The following CTNNA3 variants were observed in gnomAD, a reference collection of about 807,000 sequenced individuals.
CTNNA3 encodes catenin alpha-3.
In CTNNA3, 76 loss-of-function variants were observed where a neutral mutation model predicts 95.7. That is an observed-to-expected ratio of 0.79 (90% confidence interval 0.66 to 0.96). CTNNA3 has a LOEUF of 0.96. Among genes scored for constraint, CTNNA3 ranks in the 40% least tolerant of loss-of-function variants. The pLI is 0.00. For synonymous variants in CTNNA3, 431 were observed against 374.4 expected (o/e 1.15, Z -1.74); for missense variants, 1,191 against 1,089.8 (o/e 1.09, Z -1.31).
intron 7 of CTNNA3, among the ~76,000 whole-genome samples, chr10:67,166,220 G>T (rs1861764773): frequency 6.6e-6 from 1 of 152,166 alleles, no homozygotes; most frequent in Non-Finnish European, 1.5e-5. Flanking sequence ...GCACATTTTA[G>T]AAATATCAAT....
intron 7 of CTNNA3, among the ~76,000 whole-genome samples, chr10:67,122,957 T>C (rs1278621328): frequency 6.6e-6 from 1 of 152,114 alleles, no homozygotes; most frequent in Non-Finnish European, 1.5e-5. Flanking sequence ...TTGTTTGTTG[T>C]TACTCTAAAG....
chr10:66,367,583 A>G (rs945592000), intron 12 of CTNNA3, among the ~76,000 whole-genome samples: 1 of 149,824 alleles, frequency 6.7e-6, no homozygotes, highest in Non-Finnish European at 1.5e-5. Context: ...GATGTTTGCC[A>G]TGTGACACTA....
intron 2 of CTNNA3, among the ~76,000 whole-genome samples, chr10:67,631,074 G>T (rs1210935792): frequency 6.6e-6 from 1 of 152,182 alleles, no homozygotes; most frequent in Non-Finnish European, 1.5e-5. Context: ...TTTCTGCATT[G>T]CATTGCCAAA....
intron 12 of CTNNA3, among the ~76,000 whole-genome samples, chr10:66,375,708 C>A (rs754501805): frequency 2.0e-5 from 3 of 151,984 alleles, no homozygotes; most frequent in Admixed American, 1.3e-4. Context: ...TTTCAAACTA[C>A]GTTTTAAATG....
At chr10:66,193,936 C>T (rs184288001) in intron 13 of CTNNA3, among the ~76,000 whole-genome samples, 1 of 152,154 alleles carries the variant, frequency 6.6e-6, no homozygotes, top group East Asian at 1.9e-4. Flanking sequence ...CCAAATAGCA[C>T]TTGGATAGTC....
chr10:66,544,190 AG>A (rs1841966337), intron 10 of CTNNA3, among the ~76,000 whole-genome samples: 1 of 151,984 alleles, frequency 6.6e-6, no homozygotes, highest in Admixed American at 6.6e-5. Flanking sequence ...TGACAGATAC[AG>A]GATGGCCAAT....
At chr10:66,427,816 C>A (rs901178075) in intron 11 of CTNNA3, among the ~76,000 whole-genome samples, 2 of 152,056 alleles carry the variant, frequency 1.3e-5, no homozygotes, top group Non-Finnish European at 2.9e-5. Flanking sequence ...TTGTAAAGAC[C>A]ATCAATTCTA....
At chr10:66,805,398 G>A (rs1841598243) in intron 7 of CTNNA3, among the ~76,000 whole-genome samples, 1 of 150,756 alleles carries the variant, frequency 6.6e-6, no homozygotes. Flanking sequence ...AGAATATTCA[G>A]TTAAAAATCT....
chr10:67,210,782 T>C (rs548899695), intron 6 of CTNNA3, among the ~76,000 whole-genome samples: 2 of 152,312 alleles, frequency 1.3e-5, no homozygotes, highest in African/African-American at 4.8e-5. Context: ...CTGTTCTATT[T>C]TGAGGTCCTC....
chr10:66,645,509 G>A (rs1360449101), intron 9 of CTNNA3, among the ~76,000 whole-genome samples: 1 of 152,088 alleles, frequency 6.6e-6, no homozygotes, highest in Non-Finnish European at 1.5e-5. Context: ...TGTCAAAAAT[G>A]TGTTGAATAT....
At chr10:65,986,916 T>C (rs1469592858) in intron 16 of CTNNA3, among the ~76,000 whole-genome samples, 1 of 151,404 alleles carries the variant, frequency 6.6e-6, no homozygotes. Context: ...TTCACATATT[T>C]ATAGCCAACT....
chr10:67,260,289 G>C (rs998072426), intron 5 of CTNNA3, among the ~76,000 whole-genome samples: 7 of 152,150 alleles, frequency 4.6e-5, no homozygotes, highest in Non-Finnish European at 8.8e-5. Context: ...AGGACCCAAA[G>C]TAGCCACAGT....
chr10:66,046,885 T>C (rs994488870), intron 15 of CTNNA3, among the ~76,000 whole-genome samples: 1 of 152,054 alleles, frequency 6.6e-6, no homozygotes, highest in Non-Finnish European at 1.5e-5. Flanking sequence ...CTAGAAGAGA[T>C]GGGTAAATTC....
intron 9 of CTNNA3, among the ~76,000 whole-genome samples, chr10:66,724,011 T>A (rs977704099): frequency 6.6e-6 from 1 of 152,134 alleles, no homozygotes; most frequent in Non-Finnish European, 1.5e-5. Flanking sequence ...GGAAGTGGAA[T>A]GTAATTAATC....
intron 5 of CTNNA3, among the ~76,000 whole-genome samples, chr10:67,428,460 A>G (rs1456952558): frequency 6.6e-6 from 1 of 152,106 alleles, no homozygotes; most frequent in Non-Finnish European, 1.5e-5. Context: ...AGGTTTTTCC[A>G]GGAACACAAC....
At position 66,681,972 on chromosome 10, in the gene CTNNA3, T is replaced by C. The variant is rs546653127; in HGVS notation, c.1282-60188A>G. 3.3e-5 allele frequency among the ~76,000 whole-genome samples: 5 copies of C among 152,294 alleles called. No individual in the cohort carries two copies. The East Asian group carries it at 7.7e-4, about 24-fold the overall frequency. On this transcript the variant is annotated intron_variant, in intron 9 of 17. Coordinates refer to ENST00000433211, the MANE Select transcript of CTNNA3 (RefSeq NM_013266.4). ...AATGGCAATTTTCTCCACAGTAGCA[T>C]AGCAGCATACTAGTACAAGGCCACT... is the stretch of plus-strand genomic sequence containing the variant.
chr10:67,666,247 C>T (rs898473953), intron 1 of CTNNA3, among the ~76,000 whole-genome samples: 1 of 152,078 alleles, frequency 6.6e-6, no homozygotes, highest in South Asian at 2.1e-4. Flanking sequence ...GTCAATAGCT[C>T]TTACAACAGT....
At chr10:66,069,831 C>G (rs147649022) in intron 14 of CTNNA3, among the ~76,000 whole-genome samples, 42 of 152,080 alleles carry the variant, frequency 2.8e-4, no homozygotes, top group African/African-American at 9.6e-4. Context: ...AATGCATCAC[C>G]TTTGTTAGAA....
intron 2 of CTNNA3, among the ~76,000 whole-genome samples, chr10:67,644,617 A>T (rs1209596712): frequency 6.6e-6 from 1 of 152,058 alleles, no homozygotes; most frequent in Non-Finnish European, 1.5e-5. Context: ...TTATTTTAAA[A>T]TATAACTCTT....
Sources: allele counts gnomAD v4.1 joint callset (sites outside exome capture counted in the v4.1 genomes callset), GRCh38; gene constraint gnomAD v4.1.1; transcripts MANE v1.5; gene names NCBI Gene and HGNC (gene_info 2026-07-23, HGNC 2026-07-21).